Variants in NAALADL2 observed in about 807,000 individuals in gnomAD.
NAALADL2 encodes the protein inactive N-acetylated-alpha-linked acidic dipeptidase-like protein 2.
A neutral mutation model predicts 87.2 loss-of-function variants in NAALADL2; 76 were observed. The observed-to-expected ratio is 0.87, with a 90% CI of 0.72 to 1.05. NAALADL2 has a LOEUF of 1.05. NAALADL2 is among the 50% of genes least tolerant of loss of function. NAALADL2 has a pLI of 0.00. For missense variants in NAALADL2, 1,089 were observed against 945.8 expected (o/e 1.15, Z -1.99); for synonymous variants, 354 against 331.0 (o/e 1.07, Z -0.75).
chr3:174,957,241 C>T (rs79042043), intron 1 of NAALADL2, among the ~76,000 whole-genome samples: 4,389 of 152,042 alleles, frequency 0.029, 188 homozygotes, highest in African/African-American at 0.1. Flanking sequence ...ATCTGCCTTT[C>T]CTCATTCTTT....
chr3:175,611,019 G>A (rs566825557), intron 10 of NAALADL2, among the ~76,000 whole-genome samples: 138 of 152,160 alleles, frequency 9.1e-4, no homozygotes, highest in Non-Finnish European at 1.6e-3. Flanking sequence ...ACTTCAGAGA[G>A]CTAAAGTGCA....
chr3:175,651,592 G>C (rs1387936909), intron 11 of NAALADL2, among the ~76,000 whole-genome samples: 1 of 152,110 alleles, frequency 6.6e-6, no homozygotes, highest in Non-Finnish European at 1.5e-5. Context: ...TAAGGATCCA[G>C]ATATTGTTAA....
At chr3:174,651,081 T>C (rs1355117028) in intron 2 of NAALADL2, among the ~76,000 whole-genome samples, 1 of 152,186 alleles carries the variant, frequency 6.6e-6, no homozygotes, top group African/African-American at 2.4e-5. Context: ...TAATATCTCT[T>C]ATTTTTATTT....
chr3:175,517,722 T>A (rs1732056242), intron 9 of NAALADL2, among the ~76,000 whole-genome samples: 1 of 152,078 alleles, frequency 6.6e-6, no homozygotes, highest in Admixed American at 6.5e-5. Flanking sequence ...GGAGTGAGTT[T>A]AGGAGTAGAG....
chr3:175,017,208 C>A (rs1193451609), intron 1 of NAALADL2, among the ~76,000 whole-genome samples: 1 of 151,466 alleles, frequency 6.6e-6, no homozygotes, highest in Admixed American at 6.6e-5. Flanking sequence ...AGATATATAA[C>A]TTAATACCGT....
chr3:175,121,341 T>A (rs1422722757), intron 2 of NAALADL2, among the ~76,000 whole-genome samples: 1 of 151,838 alleles, frequency 6.6e-6, no homozygotes, highest in East Asian at 1.9e-4. Context: ...AAGCTTACTT[T>A]ACTGTTGTCC....
At chr3:175,718,738 C>A in intron 11 of NAALADL2, 2 of 1,131,160 alleles carry the variant, frequency 1.8e-6, no homozygotes, top group South Asian at 2.8e-5. Context: ...CCAACCTGGG[C>A]AACATAGCAA....
intron 2 of NAALADL2, among the ~76,000 whole-genome samples, chr3:174,687,588 G>A (rs28675987): frequency 0.016 from 2,372 of 152,066 alleles, 27 homozygotes; most frequent in Non-Finnish European, 0.025. Flanking sequence ...GTGAGAAGGG[G>A]GCAAAAATAA....
intron 5 of NAALADL2, among the ~76,000 whole-genome samples, chr3:175,426,138 C>T (rs1384728541): frequency 2.0e-5 from 3 of 152,130 alleles, no homozygotes; most frequent in South Asian, 2.1e-4. Context: ...CCAAGGCGGG[C>T]GGATCACTTA....
At chr3:174,584,396 A>G (rs1265691254) in intron 2 of NAALADL2, among the ~76,000 whole-genome samples, 1 of 152,164 alleles carries the variant, frequency 6.6e-6, no homozygotes, top group East Asian at 1.9e-4. Flanking sequence ...AACCTTCTAC[A>G]AGTGAAATCC....
intron 2 of NAALADL2, among the ~76,000 whole-genome samples, chr3:174,639,915 C>T (rs928869369): frequency 2.0e-5 from 3 of 151,998 alleles, no homozygotes; most frequent in East Asian, 1.9e-4. Context: ...TTAAGCAACT[C>T]GAAAATTTGC....
chr3:174,543,814 C>A (rs1292662795), intron 1 of NAALADL2, among the ~76,000 whole-genome samples: 1 of 151,972 alleles, frequency 6.6e-6, no homozygotes, highest in Non-Finnish European at 1.5e-5. Context: ...TTGAGACCAG[C>A]CTGGCCAACA....
rs945643573 is a variant in NAALADL2 at position 175,426,641 on chromosome 3, A to G, written c.1091-20588A>G. The stretch of plus-strand genomic sequence containing the variant: ...ACTGCAAAGTAATCCAACTCTTGCT[A>G]TGATAAAACCATATTCCAACCTTAT... On this transcript the variant is annotated intron_variant, in intron 5 of 13. Coordinates refer to ENST00000454872, the MANE Select transcript of NAALADL2 (RefSeq NM_207015.3). 2.7e-4 allele frequency among the ~76,000 whole-genome samples: 41 copies of G among 152,212 alleles called. 1 individual carries two copies. The highest frequency in any genetic ancestry group is 7.9e-4 in the Admixed American group (12 of 15,276).
chr3:175,801,604 T>TTAAA (rs1490402370), intron 13 of NAALADL2, among the ~76,000 whole-genome samples: 9 of 152,248 alleles, frequency 5.9e-5, no homozygotes, highest in Middle Eastern at 3.4e-3. Context: ...AAGATGCAAT[T>TTAAA]TAAATATTCT....
At chr3:175,013,043 A>G (rs1421911047) in intron 1 of NAALADL2, among the ~76,000 whole-genome samples, 1 of 56,692 alleles carries the variant, frequency 1.8e-5, no homozygotes, top group Non-Finnish European at 4.6e-5. Flanking sequence ...AATATATAAT[A>G]TATACATAAA....
At chr3:175,475,842 C>G (rs1338908514) in intron 9 of NAALADL2, among the ~76,000 whole-genome samples, 3 of 152,106 alleles carry the variant, frequency 2.0e-5, no homozygotes, top group Non-Finnish European at 4.4e-5. Flanking sequence ...CTCAGCCTCC[C>G]AGGTAGCTAA....
At chr3:175,168,576 T>C (rs1016919590) in intron 2 of NAALADL2, among the ~76,000 whole-genome samples, 3 of 151,914 alleles carry the variant, frequency 2.0e-5, no homozygotes, top group African/African-American at 7.2e-5. Context: ...AAATACTGTA[T>C]AAAATTAGAC....
intron 1 of NAALADL2, among the ~76,000 whole-genome samples, chr3:174,955,032 A>C (rs974389225): frequency 1.3e-5 from 2 of 152,140 alleles, no homozygotes; most frequent in Non-Finnish European, 2.9e-5. Context: ...AATGTAATTC[A>C]GAGTAAAATT....
intron 3 of NAALADL2, among the ~76,000 whole-genome samples, chr3:174,815,762 T>C (rs1720712004): frequency 6.6e-6 from 1 of 151,980 alleles, no homozygotes; most frequent in Admixed American, 6.6e-5. Flanking sequence ...TATTATTTTA[T>C]TCTATGCCCT....
Sources: gnomAD v4.1 joint callset for allele counts (sites outside exome capture counted in the v4.1 genomes callset) on GRCh38, gnomAD v4.1.1 for gene constraint, MANE v1.5 for transcripts, NCBI Gene and HGNC (gene_info 2026-07-23, HGNC 2026-07-21) for gene names.